Variants in TK1 observed in about 807,000 individuals in gnomAD.
TK1 encodes the protein thymidine kinase 1.
A neutral mutation model predicts 22.4 loss-of-function variants in TK1; 13 were observed. The observed-to-expected ratio is 0.58, with a 90% CI of 0.38 to 0.92. The LOEUF is 0.92. TK1 is among the 40% of genes least tolerant of loss of function. The probability of loss-of-function intolerance (pLI) is 0.00; values close to 1 mark genes in which losing one functional copy is unlikely to be tolerated. For missense variants in TK1, 251 were observed against 315.7 expected (o/e 0.80, Z 1.55); for synonymous variants, 134 against 125.4 (o/e 1.07, Z -0.46).
intron 3 of TK1, 51 bp from the exon 4 acceptor site, chr17:78,182,733 C>A: frequency 7.1e-7 from 1 of 1,404,462 alleles, no homozygotes. Flanking sequence ...CCAGAAGCCA[C>A]AATGCAGGGG....
chr17:78,176,275 A>G (rs1463781818), intron 4 of TK1, among the ~76,000 whole-genome samples: 1 of 151,082 alleles, frequency 6.6e-6, no homozygotes, highest in African/African-American at 2.4e-5. Flanking sequence ...GGAGAAGCTG[A>G]AACTCTGGCA....
rs565706353 is a variant in TK1, at chr17:78,184,162, G to A, written c.209+893C>T. Among the ~76,000 whole-genome samples, 12 of 152,322 alleles carry A rather than the reference G, an allele frequency of 7.9e-5. No individual in the cohort carries two copies. The East Asian group carries it at 1.3e-3, about 17-fold the overall frequency. ...GACCTACATCAGACAGCATGGTCAC[G>A]AAGTGCGGTTAAATTCCCACATGCA... On this transcript the variant is annotated intron_variant, in intron 3 of 6. Transcript: ENST00000301634.
intron 2 of TK1, among the ~76,000 whole-genome samples, chr17:78,186,572 G>A (rs917086866): frequency 6.6e-6 from 1 of 151,816 alleles, no homozygotes; most frequent in African/African-American, 2.4e-5. Context: ...CTTGGCCTGG[G>A]CAGAAGAGGG....
At position 78,175,612 on chromosome 17, in the gene TK1, C is replaced by G; in HGVS notation, c.310G>C (p.Asp104His). 1 of 1,613,478 alleles carries G rather than the reference C, an allele frequency of 6.2e-7. No homozygotes were observed. Among genetic ancestry groups the G allele is most frequent in the Non-Finnish European group, 8.5e-7 (1 of 1,179,822 alleles). The change falls in exon 5 of 7, where the codon GAC (aspartate) becomes CAC (histidine). Residue 104 changes from aspartate to histidine, a missense_variant. Physicochemically the swap from Asp to His is moderately conservative, Grantham distance 81. Transcript: ENST00000301634. ...ATGGCCTCGCAGAACTCCACGATGT[C>G]AGGGAACTGGAAAGGGCACGTGGAG... ...IGIDEGQFFP[D>H]IVEFCEAMAN...
intron 4 of TK1, among the ~76,000 whole-genome samples, chr17:78,180,908 C>A (rs761860835): frequency 6.6e-6 from 1 of 152,170 alleles, no homozygotes; most frequent in East Asian, 1.9e-4. Flanking sequence ...GAGATGGCGG[C>A]CTTCCTCTGA....
chr17:78,183,436 T>C (rs563067319), intron 3 of TK1, among the ~76,000 whole-genome samples: 176 of 152,300 alleles, frequency 1.2e-3, no homozygotes, highest in African/African-American at 4.1e-3. Context: ...CAGCAGCTCA[T>C]GCCCGTAATC....
At position 78,182,641 on chromosome 17, in the gene TK1, A is replaced by C. The variant is rs1181167718; in HGVS notation, c.251T>G (p.Val84Gly). 6 of 1,596,404 alleles carry C rather than the reference A, an allele frequency of 3.8e-6. No individual in the cohort carries two copies. The highest frequency in any genetic ancestry group is 5.1e-6 in the Non-Finnish European group (6 of 1,173,014). Reference sequence around the variant, plus strand: ...AGCCACGCCCAGGGCCTCCTGGGCCACGTCTCGGAGCAGGCAGGCGGGCAG... The same window carrying C: ...AGCCACGCCCAGGGCCTCCTGGGCCCCGTCTCGGAGCAGGCAGGCGGGCAG... ...EALPACLLRD[V>G]AQEALGVAVI... is the part of the protein sequence containing the mutation. The change falls in exon 4 of 7, where the codon GTG (valine) becomes GGG (glycine). Residue 84 changes from valine to glycine, a missense_variant. By Grantham distance (109) the Val-to-Gly change is moderately radical. Transcript: ENST00000301634.
chr17:78,182,738 C>A, intron 3 of TK1, 56 bp from the exon 4 acceptor site: 2 of 1,354,966 alleles, frequency 1.5e-6, no homozygotes, highest in South Asian at 1.4e-5. Flanking sequence ...AGCCACAATG[C>A]AGGGGCCAGG....
intron 4 of TK1, among the ~76,000 whole-genome samples, chr17:78,176,716 CCAGGGG>C (rs1201819324): frequency 6.6e-6 from 1 of 152,216 alleles, no homozygotes; most frequent in Non-Finnish European, 1.5e-5. Context: ...ACCACCTGCG[CCAGGGG>C]CGCGCCCCCT....
At chr17:78,176,435 C>T (rs2075700375) in intron 4 of TK1, among the ~76,000 whole-genome samples, 1 of 152,142 alleles carries the variant, frequency 6.6e-6, no homozygotes, top group Admixed American at 6.6e-5. Context: ...CTTTCTCAGC[C>T]CAGGTACTGA....
intron 4 of TK1, among the ~76,000 whole-genome samples, chr17:78,178,603 T>C (rs1036924468): frequency 1.3e-5 from 2 of 152,182 alleles, no homozygotes; most frequent in African/African-American, 4.8e-5. Context: ...CTCTCCTCGA[T>C]CTAGAACTGC....
intron 4 of TK1, among the ~76,000 whole-genome samples, chr17:78,181,461 C>G (rs927422001): frequency 6.6e-6 from 1 of 151,338 alleles, no homozygotes; most frequent in African/African-American, 2.4e-5. Context: ...TCGCTTGAAT[C>G]CGGGTGGCAG....
intron 4 of TK1, chr17:78,179,090 C>G: frequency 1.1e-6 from 1 of 914,840 alleles, no homozygotes; most frequent in Non-Finnish European, 1.3e-6. Flanking sequence ...GGAAAGGTTT[C>G]TGCCTCGGGG....
chr17:78,182,703 C>T (rs761470388), intron 3 of TK1, 21 bp from the exon 4 acceptor site: 20 of 1,540,188 alleles, frequency 1.3e-5, no homozygotes, highest in Non-Finnish European at 1.5e-5. Context: ...AAAGCCAGAG[C>T]GTGAGCAGGG....
At chr17:78,186,332 T>G (rs984088845) in intron 2 of TK1, among the ~76,000 whole-genome samples, 1 of 152,064 alleles carries the variant, frequency 6.6e-6, no homozygotes, top group Non-Finnish European at 1.5e-5. Flanking sequence ...TTCTATCACC[T>G]CAGGAGAGCA....
intron 5 of TK1, 83 bp from the exon 6 acceptor site, chr17:78,175,252 T>C (rs1343325450): frequency 7.1e-7 from 1 of 1,404,342 alleles, no homozygotes; most frequent in Non-Finnish European, 9.3e-7. Context: ...TCACAAGCAC[T>C]GAAGCCAGGA....
rs539674893 is a variant in TK1 at position 78,174,193 on chromosome 17, T to C, written c.*566A>G. ...CCCTGGGATCCAAGTCCCAGCAAGG[T>C]TGGTGCCACCCATCTTGGTGAAAGA... On this transcript the variant is annotated 3_prime_UTR_variant, in exon 7 of 7. Coordinates refer to ENST00000301634, the MANE Select transcript of TK1 (RefSeq NM_003258.5). 2 of 152,890 alleles carry C rather than the reference T, an allele frequency of 1.3e-5. No homozygotes were observed. The highest frequency in any genetic ancestry group is 2.4e-5 in the African/African-American group (1 of 41,436). The allele number at this position is 152,890 out of a possible 1,614,324, so 9.5% of individuals were successfully genotyped here. A position where few individuals can be genotyped will look rare whatever the true frequency, so the allele number is the denominator to read the frequency against.
chr17:78,186,477 C>T (rs2075795357), intron 2 of TK1, among the ~76,000 whole-genome samples: 1 of 152,000 alleles, frequency 6.6e-6, no homozygotes, highest in Admixed American at 6.6e-5. Flanking sequence ...GCCACCTTCT[C>T]AGAGGACTTG....
intron 3 of TK1, chr17:78,183,844 A>T (rs1387594348): frequency 1.3e-5 from 2 of 152,294 alleles, no homozygotes; most frequent in African/African-American, 4.8e-5. Context: ...TAAACAGAGA[A>T]AGACAAAGTG....
Sources: gnomAD v4.1 joint callset for allele counts (sites outside exome capture counted in the v4.1 genomes callset) on GRCh38, gnomAD v4.1.1 for gene constraint, MANE v1.5 for transcripts, NCBI Gene and HGNC (gene_info 2026-07-23, HGNC 2026-07-21) for gene names.